The following THOC5 variants were observed in gnomAD, a reference collection of about 807,000 sequenced individuals.
THOC5 encodes the protein THO complex subunit 5, also known as Fms-interacting protein.
THOC5 carries 43 observed loss-of-function variants against 92.9 expected under a neutral mutation model. That is an observed-to-expected ratio of 0.46 (90% CI 0.36 to 0.60). The LOEUF (loss-of-function observed/expected upper bound fraction) is 0.60, where lower values mean the gene tolerates loss of function less well. THOC5 is among the 20% of genes least tolerant of loss of function. The pLI, the probability that THOC5 is intolerant of heterozygous loss-of-function variation, is 0.00. For missense variants in THOC5, 659 were observed against 849.4 expected (o/e 0.78, Z 2.79); for synonymous variants, 296 against 320.1 (o/e 0.92, Z 0.80).
intron 1 of THOC5, among the ~76,000 whole-genome samples, chr22:29,550,000 C>G (rs997110467): frequency 6.6e-6 from 1 of 152,104 alleles, no homozygotes; most frequent in Admixed American, 6.6e-5. Context: ...GTCTTCCCAC[C>G]TAGATTGTGA....
At chr22:29,551,544 G>A (rs189334260) in intron 1 of THOC5, among the ~76,000 whole-genome samples, 195 of 152,118 alleles carry the variant, frequency 1.3e-3, no homozygotes, top group African/African-American at 4.3e-3. Flanking sequence ...GAGCCCAGGC[G>A]TTCAAGACCA....
chr22:29,532,028 A>G, intron 7 of THOC5, 65 bp from the exon 8 acceptor site: 1 of 1,571,676 alleles, frequency 6.4e-7, no homozygotes, highest in South Asian at 1.2e-5. Flanking sequence ...AAAAGTGGCT[A>G]CTTAGTGACC....
Position 29,512,087 on chromosome 22 carries a change from TG to T in THOC5, c.1730del (p.Pro577HisfsTer8). 6.2e-7 allele frequency: 1 copy of T among 1,613,838 alleles called. No homozygotes were observed. The highest frequency in any genetic ancestry group is 1.1e-5 in the South Asian group (1 of 91,052). On this transcript the variant is annotated frameshift_variant, in exon 18 of 20. Transcript: ENST00000490103. LOFTEE classifies it high-confidence loss of function. ...VVLNPGYSSIPPVFQLCLNWK... is the reference protein window; with the variant it reads ...VVLNPGYSSIXPVFQLCLNWK... ...AGTTCAAACAGAGCTGGAAAACAGG[TG>T]GGATGGAGGAGTAGCCAGGGTTCAA...
intron 8 of THOC5, chr22:29,531,289 G>A (rs1219609674): frequency 2.0e-6 from 2 of 985,264 alleles, no homozygotes; most frequent in African/African-American, 1.7e-5. Context: ...GGTGCTGGGT[G>A]AAAGCTGCAT....
chr22:29,538,301 CA>C (rs1450919643), intron 6 of THOC5, among the ~76,000 whole-genome samples: 2 of 151,912 alleles, frequency 1.3e-5, no homozygotes, highest in Non-Finnish European at 1.5e-5. Context: ...TTTATGACAG[CA>C]AAAAATGGAA....
At chr22:29,543,783 G>C (rs796268278) in intron 3 of THOC5, among the ~76,000 whole-genome samples, 10 of 152,256 alleles carry the variant, frequency 6.6e-5, no homozygotes, top group African/African-American at 1.9e-4. Context: ...GATGGAATAA[G>C]GGCAGCAAAG....
In THOC5 at chr22:29,551,530, G is replaced by A. The variant is rs1432321057; in HGVS notation, c.-12+2141C>T. Among the ~76,000 whole-genome samples, 4 of 152,190 alleles carry A rather than the reference G, an allele frequency of 2.6e-5. 1 individual carries two copies. Among genetic ancestry groups the A allele is most frequent in the Middle Eastern group, 6.8e-3 (2 of 294 alleles). ...CAAGGCAAGCAGAGGTGAGAGAATC[G>A]CTTGAGCCCAGGCGTTCAAGACCAG... On this transcript the variant is annotated intron_variant, in intron 1 of 19. Coordinates refer to ENST00000490103, the MANE Select transcript of THOC5 (RefSeq NM_003678.5).
At chr22:29,514,202 A>C (rs1292218708) in intron 17 of THOC5, among the ~76,000 whole-genome samples, 2 of 151,764 alleles carry the variant, frequency 1.3e-5, no homozygotes, top group East Asian at 3.9e-4. Flanking sequence ...ACCCGCCTCC[A>C]CCTAAAAGTG....
intron 7 of THOC5, among the ~76,000 whole-genome samples, chr22:29,533,515 T>C (rs2063696604): frequency 3.3e-5 from 5 of 152,264 alleles, no homozygotes; most frequent in Admixed American, 3.3e-4. Context: ...TAGAAAGATT[T>C]CTTAAACAAG....
intron 2 of THOC5, among the ~76,000 whole-genome samples, chr22:29,546,334 C>T (rs941591841): frequency 5.9e-5 from 9 of 152,194 alleles, no homozygotes; most frequent in Non-Finnish European, 1.2e-4. Context: ...TAATCCCCCA[C>T]GGGGATTAAC....
chr22:29,519,258 G>A, intron 14 of THOC5, 138 bp from the exon 15 acceptor site: 1 of 537,604 alleles, frequency 1.9e-6, no homozygotes, highest in Non-Finnish European at 3.3e-6. Context: ...GACATGGCAA[G>A]GTTTATCTGC....
intron 6 of THOC5, among the ~76,000 whole-genome samples, chr22:29,539,109 CAA>C (rs373724250): frequency 5.4e-4 from 20 of 36,848 alleles, no homozygotes; most frequent in Admixed American, 5.7e-4. Flanking sequence ...GACTCCATCT[CAA>C]AAAAAAAAAA....
chr22:29,521,468 T>A (rs148754197), intron 12 of THOC5, among the ~76,000 whole-genome samples: 89 of 152,302 alleles, frequency 5.8e-4, no homozygotes, highest in Admixed American at 1.2e-3. Flanking sequence ...GCCTAAGGCC[T>A]TACCTCAGGG....
chr22:29,511,445 G>GT, intron 18 of THOC5, 149 bp from the exon 19 acceptor site: 1 of 777,216 alleles, frequency 1.3e-6, no homozygotes, highest in Non-Finnish European at 2.0e-6. Flanking sequence ...AGCTAGACTG[G>GT]CTTGTCCTCA....
intron 2 of THOC5, among the ~76,000 whole-genome samples, chr22:29,546,843 CTTT>C (rs112906478): frequency 1.4e-5 from 2 of 138,190 alleles, no homozygotes; most frequent in Admixed American, 7.2e-5. Flanking sequence ...CAAGTCACTT[CTTT>C]TTTTTTTTTT....
intron 3 of THOC5, 61 bp downstream of exon 3, chr22:29,544,399 C>T: frequency 6.4e-6 from 10 of 1,561,536 alleles, no homozygotes; most frequent in Non-Finnish European, 8.7e-6. Context: ...CTGGTAGGTG[C>T]AAAAACAGCC....
intron 2 of THOC5, among the ~76,000 whole-genome samples, chr22:29,547,488 G>C (rs140986819): frequency 2.6e-5 from 4 of 151,756 alleles, no homozygotes; most frequent in Non-Finnish European, 4.4e-5. Flanking sequence ...TCAGCCTCCC[G>C]AGTAGCTGGG....
At chr22:29,545,079 A>ATTCT (rs2063987882) in intron 2 of THOC5, 1 of 437,722 alleles carries the variant, frequency 2.3e-6, no homozygotes, top group Admixed American at 2.6e-5. Flanking sequence ...ATAGCTGGGG[A>ATTCT]GGCCTCAGAA....
At chr22:29,529,012 G>T in intron 9 of THOC5, 150 bp downstream of exon 9, 1 of 739,268 alleles carries the variant, frequency 1.4e-6, no homozygotes, top group Non-Finnish European at 2.3e-6. Flanking sequence ...CGGGAAGTGA[G>T]CTCTCTTTCC....
Sources: allele counts gnomAD v4.1 joint callset (sites outside exome capture counted in the v4.1 genomes callset), GRCh38; gene constraint gnomAD v4.1.1; transcripts MANE v1.5; gene names NCBI Gene and HGNC (gene_info 2026-07-23, HGNC 2026-07-21).